Variants in LYST observed in about 807,000 individuals in gnomAD.
LYST encodes lysosomal trafficking regulator.
A neutral mutation model predicts 413.6 loss-of-function variants in LYST; 192 were observed. The observed-to-expected ratio is 0.46, with a 90% confidence interval of 0.41 to 0.52. LYST has a LOEUF of 0.52. Among genes scored for constraint, LYST ranks in the 20% least tolerant of loss-of-function variants. The probability of loss-of-function intolerance (pLI) is 0.00; values close to 1 mark genes in which losing one functional copy is unlikely to be tolerated. For synonymous variants in LYST, 1,525 were observed against 1,567.3 expected (o/e 0.97, Z 0.64); for missense variants, 3,815 against 4,499.9 (o/e 0.85, Z 4.35).
intron 34 of LYST, 63 bp downstream of exon 34, chr1:235,733,440 C>T (rs1004440508): frequency 4.1e-5 from 56 of 1,373,972 alleles, no homozygotes; most frequent in Middle Eastern, 1.8e-4. Flanking sequence ...ATACAAATTC[C>T]GTTTAACATC....
At chr1:235,728,852 T>C (rs12094684) in intron 37 of LYST, among the ~76,000 whole-genome samples, 188 of 152,294 alleles carry the variant, frequency 1.2e-3, no homozygotes, top group African/African-American at 4.4e-3. Context: ...TTGGAGGCTA[T>C]AGCTTACAAC....
chr1:235,883,021 C>G (rs1572519085), intron 1 of LYST, among the ~76,000 whole-genome samples: 1 of 152,148 alleles, frequency 6.6e-6, no homozygotes, highest in Non-Finnish European at 1.5e-5. Context: ...TCTGAGCAAG[C>G]AGTCTGCAGG....
chr1:235,739,970 G>C (rs1351177321), intron 31 of LYST, among the ~76,000 whole-genome samples: 2 of 152,196 alleles, frequency 1.3e-5, no homozygotes, highest in Admixed American at 1.3e-4. Flanking sequence ...GATGGTATGA[G>C]AAAAAGTGGA....
intron 21 of LYST, among the ~76,000 whole-genome samples, chr1:235,764,592 C>T (rs1257741915): frequency 6.6e-6 from 1 of 150,766 alleles, no homozygotes; most frequent in Middle Eastern, 3.2e-3. Flanking sequence ...CACCGCTTCC[C>T]GGGTTCAAGC....
chr1:235,795,631 A>G (rs890205305), intron 10 of LYST, among the ~76,000 whole-genome samples: 1 of 152,192 alleles, frequency 6.6e-6, no homozygotes, highest in African/African-American at 2.4e-5. Context: ...GAAGCCCCTA[A>G]TCATCCAATG....
intron 3 of LYST, among the ~76,000 whole-genome samples, chr1:235,820,377 T>TTC (rs1451445898): frequency 1.4e-5 from 2 of 147,696 alleles, no homozygotes; most frequent in African/African-American, 4.9e-5. Flanking sequence ...TTTTCTTTCT[T>TTC]TTTTTTTTTT....
At position 235,741,302 on chromosome 1, in the gene LYST, G is replaced by GT. The variant is rs1245701924; in HGVS notation, c.8358+119dup. 3.4e-5 allele frequency: 31 copies of GT among 917,808 alleles called. No homozygotes were observed. In the Admixed American group the frequency reaches 3.9e-4, roughly 12 times the overall value. 56.9% of individuals were successfully genotyped at this position (917,808 alleles called of 1,614,324 possible). A position where few individuals can be genotyped will look rare whatever the true frequency, so the allele number is the denominator to read the frequency against. On this transcript the variant is annotated intron_variant, in intron 31 of 52. Transcript: ENST00000389793. ...AAAGACCTTAGGTTAAATTTGCTTG[G>GT]TAAGAAAATTATATTTATAAATTAG... is the stretch of plus-strand genomic sequence containing the variant.
intron 44 of LYST, among the ~76,000 whole-genome samples, chr1:235,703,890 T>G (rs1232582947): frequency 6.6e-6 from 1 of 151,928 alleles, no homozygotes; most frequent in Non-Finnish European, 1.5e-5. Flanking sequence ...AGTTATTTTT[T>G]CTGATCCTCT....
intron 1 of LYST, chr1:235,839,925 T>C (rs1572419810): frequency 6.6e-6 from 1 of 152,208 alleles, no homozygotes; most frequent in Admixed American, 6.5e-5. Context: ...TTATTTCCAA[T>C]TGTTCAGTAG....
At chr1:235,863,885 C>T (rs1680190885) in intron 1 of LYST, among the ~76,000 whole-genome samples, 1 of 152,210 alleles carries the variant, frequency 6.6e-6, no homozygotes, top group Non-Finnish European at 1.5e-5. Flanking sequence ...TGAGGCCCAT[C>T]TGTGCACTTC....
At chr1:235,831,118 C>G (rs1675922672) in intron 2 of LYST, among the ~76,000 whole-genome samples, 1 of 152,198 alleles carries the variant, frequency 6.6e-6, no homozygotes, top group Non-Finnish European at 1.5e-5. Context: ...AGTTTCATCT[C>G]TGGGCTAAAA....
rs187065454 is a variant in LYST, at chr1:235,774,286, G to A, written c.5635-295C>T. On this transcript the variant is annotated intron_variant, in intron 18 of 52. Transcript: ENST00000389793. ...TTAATCTGCTATTAGGCTTTAAAACGTTTTCAAAAAAGTAGTAAGGATTCA... is the reference window on the plus strand; with the variant it reads ...TTAATCTGCTATTAGGCTTTAAAACATTTTCAAAAAAGTAGTAAGGATTCA... Among the ~76,000 whole-genome samples the A allele has an allele frequency of 2.4e-4, 37 of 152,202 alleles. No homozygotes were observed. The East Asian group carries it at 5.6e-3, about 23-fold the overall frequency.
chr1:235,848,967 C>T (rs924121456), intron 1 of LYST, among the ~76,000 whole-genome samples: 1 of 151,990 alleles, frequency 6.6e-6, no homozygotes. Context: ...ATCCTTTTGA[C>T]ACTATTCCAC....
rs188566639 is a variant in LYST at position 235,827,758 on chromosome 1, A to G, written c.192+2468T>C. On this transcript the variant is annotated intron_variant, in intron 3 of 52. Transcript: ENST00000389793. ...GATTAAAAAATACCACCACAGGAAA[A>G]AAATATTTAACTTATGACCTAAATA... 1.0e-2 allele frequency: 9,479 copies of G among 948,588 alleles called. 50 individuals carry two copies. Among genetic ancestry groups the G allele is most frequent in the Non-Finnish European group, 0.011 (8,896 of 796,040 alleles). 58.8% of individuals were successfully genotyped at this position (948,588 alleles called of 1,614,324 possible). A position where few individuals can be genotyped will look rare whatever the true frequency, so the allele number is the denominator to read the frequency against.
rs1659218566 is a variant in LYST at position 235,674,508 on chromosome 1, C to A, written c.11038+2583G>T. Among the ~76,000 whole-genome samples, 1 of 151,886 alleles carries A rather than the reference C, an allele frequency of 6.6e-6. No homozygotes were observed. Among genetic ancestry groups the A allele is most frequent in the South Asian group, 2.1e-4 (1 of 4,816 alleles). ...GCTAAATGAATTTAAAGCCAGGAAT[C>A]AAATAGCTGCAGGATTTGAATCTAT... On this transcript the variant is annotated intron_variant, in intron 50 of 52. Coordinates refer to ENST00000389793, the MANE Select transcript of LYST (RefSeq NM_000081.4). This position sits in a 1 kb window ranked among gnomAD's most constrained non-coding sequence, Gnocchi z 4.1.
chr1:235,811,684 A>C (rs1296383037), intron 4 of LYST, among the ~76,000 whole-genome samples: 1 of 152,194 alleles, frequency 6.6e-6, no homozygotes, highest in East Asian at 1.9e-4. Flanking sequence ...AGAGTGAATA[A>C]ATTAAAATCT....
chr1:235,690,939 C>T (rs1047551692), intron 47 of LYST, among the ~76,000 whole-genome samples: 9 of 148,228 alleles, frequency 6.1e-5, no homozygotes, highest in East Asian at 3.9e-4. Flanking sequence ...TCCCTTGAGA[C>T]AGAGTCTCGT....
intron 1 of LYST, among the ~76,000 whole-genome samples, chr1:235,844,485 A>G (rs888141991): frequency 1.3e-5 from 2 of 152,186 alleles, no homozygotes; most frequent in Non-Finnish European, 2.9e-5. Context: ...TTGGAGTTAC[A>G]TATGTTTTGG....
chr1:235,882,078 T>TCACACACACACACACACACACACACACA (rs71174466), intron 1 of LYST, among the ~76,000 whole-genome samples: 39 of 145,834 alleles, frequency 2.7e-4, no homozygotes, highest in African/African-American at 1.0e-3. Flanking sequence ...ACTCTTTCTT[T>TCACACACACACACACACACACACACACA]CACACACACA....
Sources: allele counts gnomAD v4.1 joint callset (sites outside exome capture counted in the v4.1 genomes callset), GRCh38; gene constraint gnomAD v4.1.1; non-coding constraint Gnocchi (gnomAD v3.1); transcripts MANE v1.5; gene names NCBI Gene and HGNC (gene_info 2026-07-23, HGNC 2026-07-21).